DNAI4: variants seen among roughly 807,000 people sequenced by gnomAD.
DNAI4 encodes dynein axonemal intermediate chain 4, also known as WD repeat domain 78.
A neutral mutation model predicts 105.8 loss-of-function variants in DNAI4; 85 were observed. The observed-to-expected ratio is 0.80, with a 90% CI of 0.67 to 0.96. The LOEUF is 0.96. DNAI4 is among the 40% of genes least tolerant of loss of function. DNAI4 has a pLI of 0.00. For synonymous variants in DNAI4, 352 were observed against 331.5 expected (o/e 1.06, Z -0.67); for missense variants, 1,014 against 1,005.6 (o/e 1.01, Z -0.11).
intron 10 of DNAI4, among the ~76,000 whole-genome samples, chr1:66,836,746 C>T (rs1188258952): frequency 1.3e-5 from 2 of 152,160 alleles, no homozygotes; most frequent in African/African-American, 2.4e-5. Context: ...TATGACATAT[C>T]GCTAAGTTTA....
At chr1:66,839,964 T>A (rs1193056566) in intron 9 of DNAI4, among the ~76,000 whole-genome samples, 1 of 152,222 alleles carries the variant, frequency 6.6e-6, no homozygotes, top group Non-Finnish European at 1.5e-5. Flanking sequence ...AACACAATAG[T>A]GCCTGCTATA....
At chr1:66,860,305 A>AT (rs1353615218) in intron 7 of DNAI4, among the ~76,000 whole-genome samples, 1 of 152,106 alleles carries the variant, frequency 6.6e-6, no homozygotes, top group Admixed American at 6.5e-5. Context: ...AACTTGTATA[A>AT]TACATTCAAA....
chr1:66,905,059 AAT>A, intron 2 of DNAI4, 140 bp downstream of exon 2: 1 of 608,360 alleles, frequency 1.6e-6, no homozygotes, highest in East Asian at 3.0e-5. Context: ...TGTATGGAAT[AAT>A]ATGTGGTAAA....
rs1646926973 is a variant in DNAI4 at position 66,874,817 on chromosome 1, A to G, written c.764T>C (p.Met255Thr). The G allele has an allele frequency of 1.9e-6, 3 of 1,613,714 alleles. No homozygotes were observed. Among genetic ancestry groups the G allele is most frequent in the Non-Finnish European group, 2.5e-6 (3 of 1,179,768 alleles). ...AGCTTCTTCAGATTCTACAGAGACC[A>G]TGACTGTGGGCAAGTCAAAAAATCT... ...TLRFFDLPTV[M>T]VSVESEEAEK... Residue 255 changes from methionine (M) to threonine (T), a missense_variant, in exon 5 of 17, where the codon ATG becomes ACG. By Grantham distance (81) the Met-to-Thr change is moderately conservative. Coordinates refer to ENST00000371026, the MANE Select transcript of DNAI4 (RefSeq NM_024763.5).
chr1:66,913,507 T>C (rs1649814171), intron 1 of DNAI4, among the ~76,000 whole-genome samples: 1 of 152,168 alleles, frequency 6.6e-6, no homozygotes, highest in African/African-American at 2.4e-5. Flanking sequence ...AACTGAAAGG[T>C]GCCCCTGGGT....
chr1:66,902,275 G>A (rs912196191), intron 2 of DNAI4, among the ~76,000 whole-genome samples: 3 of 152,054 alleles, frequency 2.0e-5, no homozygotes, highest in Non-Finnish European at 2.9e-5. Flanking sequence ...ATGAAGTGGT[G>A]TCTTACTGTG....
intron 11 of DNAI4, among the ~76,000 whole-genome samples, chr1:66,834,778 A>G (rs1645945748): frequency 6.6e-6 from 1 of 152,108 alleles, no homozygotes. Flanking sequence ...AAACCCTCCA[A>G]TGAAATCAAT....
At chr1:66,915,714 T>G (rs1490294137) in intron 1 of DNAI4, among the ~76,000 whole-genome samples, 1 of 152,156 alleles carries the variant, frequency 6.6e-6, no homozygotes, top group African/African-American at 2.4e-5. Flanking sequence ...ATTTAAAGGT[T>G]ATATATAAAA....
Position 66,893,210 on chromosome 1 carries a change from A to G in DNAI4, c.530+19T>C, listed in dbSNP as rs1648005032. Reference sequence around the variant, plus strand: ...ATATATATGATAGAAAAAAGGAACTATATAATAGTATACTCTACCTTGTAA... The same window carrying G: ...ATATATATGATAGAAAAAAGGAACTGTATAATAGTATACTCTACCTTGTAA... On this transcript the variant is annotated intron_variant, in intron 3 of 16. Coordinates refer to ENST00000371026, the MANE Select transcript of DNAI4 (RefSeq NM_024763.5). 1 of 1,411,800 alleles carries G rather than the reference A, an allele frequency of 7.1e-7. No individual in the cohort carries two copies. Among genetic ancestry groups the G allele is most frequent in the Non-Finnish European group, 9.4e-7 (1 of 1,064,432 alleles). The allele number at this position is 1,411,800 out of a possible 1,614,324, so 87.5% of individuals were successfully genotyped here.
Position 66,871,477 on chromosome 1 carries a change from C to T in DNAI4, c.833G>A (p.Arg278Lys). ...ATATAGGTCATTGCCTAATCTGTTT[C>T]TACAAAGGACTTCATAATTCTTGTT... is the stretch of plus-strand genomic sequence containing the variant. The part of the protein sequence containing the change: ...QRNKNYEVLC[R>K]NRLGNDLYVE... Residue 278 changes from arginine to lysine, a missense_variant, in exon 6 of 17, where the codon AGA becomes AAA. Transcript: ENST00000371026. The T allele has an allele frequency of 1.3e-6, 2 of 1,599,434 alleles. No homozygotes were observed. The highest frequency in any genetic ancestry group is 1.7e-6 in the Non-Finnish European group (2 of 1,174,778).
At chr1:66,871,095 T>C in intron 6 of DNAI4, 1 of 349,678 alleles carries the variant, frequency 2.9e-6, no homozygotes, top group Non-Finnish European at 5.1e-6. Context: ...ACATAGTAAA[T>C]AATCAGTTTA....
At chr1:66,870,690 A>C (rs887060406) in intron 6 of DNAI4, 5 of 129,908 alleles carry the variant, frequency 3.8e-5, no homozygotes, top group East Asian at 2.6e-4. Context: ...CAGAGGTTGC[A>C]GTGAGCCAAG....
chr1:66,911,715 T>G (rs1184168930), intron 1 of DNAI4, among the ~76,000 whole-genome samples: 1 of 152,218 alleles, frequency 6.6e-6, no homozygotes, highest in African/African-American at 2.4e-5. Context: ...AATCTCCAAA[T>G]CATTATATCC....
Position 66,862,261 on chromosome 1 carries a change from C to T in DNAI4, c.982G>A (p.Ala328Thr), listed in dbSNP as rs1173057343. ...ACTGATAAAGATACAAGTTCCATAG[C>T]ATTGTAAGAATCATACAAATCCCAG... ...TAWDLYDSYN[A>T]MELVSLSVKQ... is the part of the protein sequence containing the mutation. The change falls in exon 7 of 17, where the codon GCT (alanine) becomes ACT (threonine). Residue 328 changes from alanine (A) to threonine (T), a missense_variant. Ala to Thr is a moderately conservative substitution (Grantham distance 58). Coordinates refer to ENST00000371026, the MANE Select transcript of DNAI4 (RefSeq NM_024763.5). 1 of 1,610,310 alleles carries T rather than the reference C, an allele frequency of 6.2e-7. No individual in the cohort carries two copies. Among genetic ancestry groups the T allele is most frequent in the Non-Finnish European group, 8.5e-7 (1 of 1,178,884 alleles).
chr1:66,827,252 T>G (rs912528546), intron 14 of DNAI4, among the ~76,000 whole-genome samples: 3 of 151,994 alleles, frequency 2.0e-5, no homozygotes, highest in Non-Finnish European at 2.9e-5. Context: ...TGCTACAATA[T>G]TCACTAAATT....
At chr1:66,821,202 G>A (rs990827834) in intron 16 of DNAI4, among the ~76,000 whole-genome samples, 3 of 140,748 alleles carry the variant, frequency 2.1e-5, no homozygotes, top group African/African-American at 8.1e-5. Flanking sequence ...AGGTTCAAAC[G>A]ATTCTCGTGC....
chr1:66,836,208 G>GAA (rs1409438113), intron 10 of DNAI4, among the ~76,000 whole-genome samples: 7,260 of 45,554 alleles, frequency 0.16, 337 homozygotes, highest in Middle Eastern at 0.23. Flanking sequence ...AAGAAAGAAA[G>GAA]AGAGAGAGAG....
intron 4 of DNAI4, among the ~76,000 whole-genome samples, chr1:66,876,909 C>G (rs1189452247): frequency 6.6e-6 from 1 of 152,138 alleles, no homozygotes; most frequent in Non-Finnish European, 1.5e-5. Flanking sequence ...TCATGAATCC[C>G]CTTGAGAGGG....
chr1:66,822,873 T>C (rs535489870), intron 15 of DNAI4, among the ~76,000 whole-genome samples: 2 of 145,830 alleles, frequency 1.4e-5, no homozygotes, highest in East Asian at 2.0e-4. Context: ...TACAATAACA[T>C]TTAATTCACT....
Sources: allele counts gnomAD v4.1 joint callset (sites outside exome capture counted in the v4.1 genomes callset), GRCh38; gene constraint gnomAD v4.1.1; transcripts MANE v1.5; gene names NCBI Gene and HGNC (gene_info 2026-07-23, HGNC 2026-07-21).